The following KIAA0930 variants were observed in gnomAD, a reference collection of about 807,000 sequenced individuals.
The protein encoded by KIAA0930 is uncharacterized protein KIAA0930.
A neutral mutation model predicts 43.9 loss-of-function variants in KIAA0930; 24 were observed. That is an observed-to-expected ratio of 0.55 (90% CI 0.40 to 0.77). KIAA0930 has a LOEUF of 0.77. Among genes scored for constraint, KIAA0930 ranks in the 30% least tolerant of loss-of-function variants. The pLI, the probability that KIAA0930 is intolerant of heterozygous loss-of-function variation, is 0.00. For missense variants in KIAA0930, 461 were observed against 574.2 expected, an observed-to-expected ratio of 0.80 and a Z score of 2.02; for synonymous variants, 259 against 216.4, an observed-to-expected ratio of 1.20 and a Z score of -1.73.
intron 1 of KIAA0930, chr22:45,235,228 A>G (rs972901610): frequency 1.3e-5 from 2 of 152,242 alleles, no homozygotes; most frequent in South Asian, 2.1e-4. Flanking sequence ...GCCCCTGAGC[A>G]GGGCAGCACA....
At chr22:45,198,558 G>C (rs1389090018) in intron 8 of KIAA0930, among the ~76,000 whole-genome samples, 1 of 152,240 alleles carries the variant, frequency 6.6e-6, no homozygotes, top group Non-Finnish European at 1.5e-5. Context: ...CAGTGGTCAG[G>C]ACAAAGACTG....
chr22:45,212,535 T>C, intron 1 of KIAA0930: 6 of 1,373,522 alleles, frequency 4.4e-6, no homozygotes, highest in South Asian at 3.7e-5. Flanking sequence ...CCCCACCCAC[T>C]CCCCCTGGCT....
intron 1 of KIAA0930, among the ~76,000 whole-genome samples, chr22:45,227,619 G>T (rs1193033461): frequency 6.6e-6 from 1 of 152,128 alleles, no homozygotes; most frequent in Non-Finnish European, 1.5e-5. Context: ...TCACGTCACC[G>T]GGCTGTCACT....
At position 45,192,662 on chromosome 22, in the gene KIAA0930, G is replaced by A. The variant is rs920482883; in HGVS notation, c.*4514C>T. ...AAGCGAGCGTGTCGCGGGCTCTGTG[G>A]GGTTGCAGGGTCACTGTTATTTTGA... On this transcript the variant is annotated 3_prime_UTR_variant, in exon 10 of 10. Coordinates refer to ENST00000336156, the MANE Select transcript of KIAA0930 (RefSeq NM_001009880.2). 6.6e-6 allele frequency: 1 copy of A among 152,224 alleles called. No individual in the cohort carries two copies. Among genetic ancestry groups the A allele is most frequent in the Non-Finnish European group, 1.5e-5 (1 of 68,056 alleles). The allele number at this position is 152,224 out of a possible 1,614,324, so 9.4% of individuals were successfully genotyped here. A position where few individuals can be genotyped will look rare whatever the true frequency, so the allele number is the denominator to read the frequency against.
In KIAA0930 at chr22:45,197,038, G is replaced by A. The variant is rs2083542666; in HGVS notation, c.*138C>T. The A allele has an allele frequency of 5.8e-6, 4 of 691,974 alleles. No individual in the cohort carries two copies. The highest frequency in any genetic ancestry group is 7.0e-6 in the Non-Finnish European group (3 of 428,620). 42.9% of individuals were successfully genotyped at this position (691,974 alleles called of 1,614,324 possible). On this transcript the variant is annotated 3_prime_UTR_variant, in exon 10 of 10. Coordinates refer to ENST00000336156, the MANE Select transcript of KIAA0930 (RefSeq NM_001009880.2). ...GTTCGTGGAGTCGGCCCCGGCCCCG[G>A]GAGTCGAGTGGCCTCGCCTGGCTGC... is the stretch of plus-strand genomic sequence containing the variant.
chr22:45,206,285 G>C (rs1195471254), intron 2 of KIAA0930, among the ~76,000 whole-genome samples: 2 of 152,156 alleles, frequency 1.3e-5, no homozygotes, highest in Admixed American at 6.5e-5. Context: ...CCAAAGTACT[G>C]GGATTACAGG....
intron 1 of KIAA0930, among the ~76,000 whole-genome samples, chr22:45,231,974 G>A (rs1025178646): frequency 6.6e-6 from 1 of 152,212 alleles, no homozygotes; most frequent in Non-Finnish European, 1.5e-5. Flanking sequence ...CTGGGTGACA[G>A]AGCGAGACTC....
intron 1 of KIAA0930, among the ~76,000 whole-genome samples, chr22:45,219,481 T>C (rs1237117736): frequency 6.6e-6 from 1 of 151,854 alleles, no homozygotes; most frequent in Admixed American, 6.6e-5. Context: ...ATTAAAATAG[T>C]TTATAGCCAT....
In KIAA0930 at chr22:45,193,936, T is replaced by C. The variant is rs1125397; in HGVS notation, c.*3240A>G. 0.38 allele frequency: 57,833 copies of C among 150,626 alleles called. 11,914 individuals are homozygous for C. The highest frequency in any genetic ancestry group is 0.55 in the African/African-American group (22,039 of 40,252). 9.3% of individuals were successfully genotyped at this position (150,626 alleles called of 1,614,324 possible). A position where few individuals can be genotyped will look rare whatever the true frequency, so the allele number is the denominator to read the frequency against. On this transcript the variant is annotated 3_prime_UTR_variant, in exon 10 of 10. Coordinates refer to ENST00000336156, the MANE Select transcript of KIAA0930 (RefSeq NM_001009880.2). Reference sequence around the variant, plus strand: ...GAAAAGCCCACCCTACAACTTTCTTTTTAATGTTCTAAAAAGTGACACCTA... The same window carrying C: ...GAAAAGCCCACCCTACAACTTTCTTCTTAATGTTCTAAAAAGTGACACCTA...
Position 45,203,002 on chromosome 22 carries a change from G to T in KIAA0930, c.840C>A (p.Pro280=), listed in dbSNP as rs752490353. 8.1e-6 allele frequency: 13 copies of T among 1,608,886 alleles called. No individual in the cohort carries two copies. The highest frequency in any genetic ancestry group is 1.3e-5 in the African/African-American group (1 of 74,818). ...GTGCAGCCCTTACCCGCTCGTGCATGGGCGAAGCTGGGCTGGAGTCCTCTT... is the reference window on the plus strand; with the variant it reads ...GTGCAGCCCTTACCCGCTCGTGCATTGGCGAAGCTGGGCTGGAGTCCTCTT... ...GTEEDSSPAS[P]MHERVTSFST... The change falls in exon 7 of 10, where the codon CCC becomes CCA. Residue 280 remains proline, a synonymous_variant. Transcript: ENST00000336156.
chr22:45,227,438 G>T (rs2147760997), intron 1 of KIAA0930, among the ~76,000 whole-genome samples: 2 of 152,306 alleles, frequency 1.3e-5, no homozygotes, highest in Admixed American at 1.3e-4. Flanking sequence ...AGGAAAAAAA[G>T]GGCATCGAAC....
rs1008477747 is a variant in KIAA0930, at chr22:45,193,094, G to C, written c.*4082C>G. 3 of 152,118 alleles carry C rather than the reference G, an allele frequency of 2.0e-5. No individual in the cohort carries two copies. The highest frequency in any genetic ancestry group is 7.2e-5 in the African/African-American group (3 of 41,404). The allele number at this position is 152,118 out of a possible 1,614,324, so 9.4% of individuals were successfully genotyped here. ...GGCACGTGCCTTTCCTTATCTCGTG[G>C]AGTGTCCGTCCTATCAGGTGGTTGT... On this transcript the variant is annotated 3_prime_UTR_variant, in exon 10 of 10. Transcript: ENST00000336156.
intron 6 of KIAA0930, 42 bp downstream of exon 6, chr22:45,203,803 C>A: frequency 6.2e-7 from 1 of 1,602,682 alleles, no homozygotes; most frequent in Non-Finnish European, 8.5e-7. Context: ...AGCCGCCGTC[C>A]CCGGGCCCAG....
chr22:45,205,330 C>T lies in KIAA0930; in HGVS notation c.415-12G>A. ...GACGCGAACACTTGCTGGAAGAAAG[C>T]AGATTTGGAGGACAAGTGAGGCCCC... On this transcript the variant is annotated splice_polypyrimidine_tract_variant and intron_variant, in intron 4 of 9. Transcript: ENST00000336156. The T allele has an allele frequency of 6.2e-7, 1 of 1,611,540 alleles. No homozygotes were observed. Among genetic ancestry groups the T allele is most frequent in the African/African-American group, 1.3e-5 (1 of 74,992 alleles).
chr22:45,210,827 G>A lies in KIAA0930; in HGVS notation c.216+1129C>T, dbSNP rs1012320881. Reference sequence around the variant, plus strand: ...GTGTGGCTCTAGTCCCTGCACACCCGCCACTGAAACTGCTGCGCCAAGGCC... The same window carrying A: ...GTGTGGCTCTAGTCCCTGCACACCCACCACTGAAACTGCTGCGCCAAGGCC... On this transcript the variant is annotated intron_variant, in intron 2 of 9. Coordinates refer to ENST00000336156, the MANE Select transcript of KIAA0930 (RefSeq NM_001009880.2). Among the ~76,000 whole-genome samples, 5 of 54,318 alleles carry A rather than the reference G, an allele frequency of 9.2e-5. No homozygotes were observed. The South Asian group carries it at 2.9e-3, about 32-fold the overall frequency. 35.6% of individuals were successfully genotyped at this position (54,318 alleles called of 152,430 possible).
chr22:45,199,101 C>G (rs2083563029), intron 8 of KIAA0930, among the ~76,000 whole-genome samples: 1 of 152,180 alleles, frequency 6.6e-6, no homozygotes, highest in Non-Finnish European at 1.5e-5. Context: ...CCACGCCTGT[C>G]CCCAGGAGCC....
intron 2 of KIAA0930, 113 bp from the exon 3 acceptor site, chr22:45,206,025 C>G: frequency 1.3e-6 from 2 of 1,519,970 alleles, no homozygotes; most frequent in South Asian, 2.6e-5. Flanking sequence ...TTTTTTCTTA[C>G]TATTTTTTGA....
In KIAA0930 at chr22:45,195,414, C is replaced by T. The variant is rs115943311; in HGVS notation, c.*1762G>A. 864 of 152,366 alleles carry T rather than the reference C, an allele frequency of 5.7e-3. 7 individuals carry two copies. The highest frequency in any genetic ancestry group is 0.019 in the African/African-American group (777 of 41,552). 9.4% of individuals were successfully genotyped at this position (152,366 alleles called of 1,614,324 possible). ...AATGGGTGTATTTTAGCCACATGGA[C>T]TCAAACTTGGAAGCAGCATTTGGCA... On this transcript the variant is annotated 3_prime_UTR_variant, in exon 10 of 10. Transcript: ENST00000336156.
chr22:45,210,453 A>C (rs964954763), intron 2 of KIAA0930, among the ~76,000 whole-genome samples: 1 of 152,226 alleles, frequency 6.6e-6, no homozygotes, highest in Non-Finnish European at 1.5e-5. Flanking sequence ...AAGGGCACTC[A>C]TATGGTCACA....
Sources: gnomAD v4.1 joint callset for allele counts (sites outside exome capture counted in the v4.1 genomes callset) on GRCh38, gnomAD v4.1.1 for gene constraint, MANE v1.5 for transcripts, NCBI Gene and HGNC (gene_info 2026-07-23, HGNC 2026-07-21) for gene names.